The following CDH13 variants were observed in gnomAD, a reference collection of about 807,000 sequenced individuals.
CDH13 encodes the protein cadherin-13.
A neutral mutation model predicts 63.8 loss-of-function variants in CDH13; 24 were observed. That is an observed-to-expected ratio of 0.38 (90% CI 0.27 to 0.53). CDH13 has a LOEUF of 0.53. Ranked by LOEUF, CDH13 falls within the 20% of genes least tolerant of loss-of-function variation. The pLI is 0.85. For missense variants in CDH13, 1,049 were observed against 903.1 expected, an observed-to-expected ratio of 1.16 and a Z score of -2.07; for synonymous variants, 503 against 355.3, an observed-to-expected ratio of 1.42 and a Z score of -4.67.
chr16:83,289,117 C>T (rs987233478), intron 5 of CDH13, among the ~76,000 whole-genome samples: 4 of 152,132 alleles, frequency 2.6e-5, no homozygotes, highest in East Asian at 1.9e-4. Flanking sequence ...TTGCTCCTGG[C>T]CTACAAGAAC....
intron 3 of CDH13, among the ~76,000 whole-genome samples, chr16:83,035,769 G>C (rs747719290): frequency 6.6e-6 from 1 of 152,110 alleles, no homozygotes; most frequent in Non-Finnish European, 1.5e-5. Context: ...TTTACCTCCT[G>C]AGCCTCTATG....
intron 3 of CDH13, among the ~76,000 whole-genome samples, chr16:83,115,831 C>T (rs1173720726): frequency 6.6e-6 from 1 of 152,172 alleles, no homozygotes; most frequent in Non-Finnish European, 1.5e-5. Context: ...ACTATTTCTC[C>T]CTATCACTTT....
chr16:82,895,609 C>G (rs574177596), intron 2 of CDH13, among the ~76,000 whole-genome samples: 35 of 152,060 alleles, frequency 2.3e-4, no homozygotes, highest in African/African-American at 7.5e-4. Context: ...GACATGCATT[C>G]ACCATCATAG....
At chr16:83,591,366 A>C (rs1400799516) in intron 7 of CDH13, among the ~76,000 whole-genome samples, 1 of 152,212 alleles carries the variant, frequency 6.6e-6, no homozygotes, top group Non-Finnish European at 1.5e-5. Context: ...ATTTTACTTC[A>C]GTGTTACAAT....
chr16:82,840,684 CAAAAAAAAAAA>C (rs753429857), intron 1 of CDH13, among the ~76,000 whole-genome samples: 1 of 86,750 alleles, frequency 1.2e-5, no homozygotes, highest in African/African-American at 4.6e-5. Flanking sequence ...GAATCCATCT[CAAAAAAAAAAA>C]AAAAAAAGAA....
At chr16:83,582,347 G>A (rs1490216906) in intron 7 of CDH13, among the ~76,000 whole-genome samples, 1 of 152,116 alleles carries the variant, frequency 6.6e-6, no homozygotes, top group Non-Finnish European at 1.5e-5. Context: ...TGTTTTAAGG[G>A]TCTAGACCTA....
At chr16:83,490,150 C>G (rs531529891) in intron 7 of CDH13, among the ~76,000 whole-genome samples, 4 of 152,100 alleles carry the variant, frequency 2.6e-5, no homozygotes, top group African/African-American at 9.7e-5. Flanking sequence ...TTGGGTGACA[C>G]GAGCTAAGTT....
chr16:82,992,517 A>G (rs990985357), intron 2 of CDH13, among the ~76,000 whole-genome samples: 14 of 152,208 alleles, frequency 9.2e-5, no homozygotes, highest in African/African-American at 3.4e-4. Flanking sequence ...TCAGAACTTT[A>G]GAGATAATCT....
chr16:83,497,969 T>C (rs2074187518), intron 7 of CDH13, among the ~76,000 whole-genome samples: 1 of 152,240 alleles, frequency 6.6e-6, no homozygotes, highest in African/African-American at 2.4e-5. Context: ...CATAGTTCAT[T>C]TCTCCCACCA....
At chr16:82,906,733 C>T (rs1485056249) in intron 2 of CDH13, among the ~76,000 whole-genome samples, 5 of 152,144 alleles carry the variant, frequency 3.3e-5, no homozygotes, top group Non-Finnish European at 5.9e-5. Context: ...GCTGTACTCC[C>T]TCCGAAGGCT....
intron 5 of CDH13, among the ~76,000 whole-genome samples, chr16:83,307,005 G>T (rs766678102): frequency 6.6e-6 from 1 of 152,180 alleles, no homozygotes; most frequent in Non-Finnish European, 1.5e-5. Flanking sequence ...GAGAATAGTG[G>T]AACAAATTAA....
chr16:82,748,330 G>A (rs2034269555), intron 1 of CDH13, among the ~76,000 whole-genome samples: 1 of 152,230 alleles, frequency 6.6e-6, no homozygotes, highest in East Asian at 1.9e-4. Context: ...TTACTATGCA[G>A]AGTGTGTTTT....
At chr16:83,571,480 C>G (rs1283989821) in intron 7 of CDH13, among the ~76,000 whole-genome samples, 3 of 152,080 alleles carry the variant, frequency 2.0e-5, no homozygotes, top group African/African-American at 7.2e-5. Flanking sequence ...ATTAGGCTAA[C>G]AGAATCTAAG....
intron 10 of CDH13, among the ~76,000 whole-genome samples, chr16:83,746,009 G>A (rs1225427339): frequency 6.6e-6 from 1 of 152,218 alleles, no homozygotes; most frequent in East Asian, 1.9e-4. Context: ...CTGGGCCCAC[G>A]TCCTGACTCT....
chr16:83,167,920 C>T (rs2037753687), intron 4 of CDH13, among the ~76,000 whole-genome samples: 1 of 152,012 alleles, frequency 6.6e-6, no homozygotes, highest in African/African-American at 2.4e-5. Flanking sequence ...CAGCCAGGGG[C>T]TATTATCCTA....
chr16:83,035,055 T>C lies in CDH13; in HGVS notation c.366+2837T>C, dbSNP rs146856980. On this transcript the variant is annotated intron_variant, in intron 3 of 13. Transcript: ENST00000567109. ...GATTTGAAAAAAGGCTTTGTGAAGATGTGTAGCTGTGTCCTTCATAAAAAC... is the reference window on the plus strand; with the variant it reads ...GATTTGAAAAAAGGCTTTGTGAAGACGTGTAGCTGTGTCCTTCATAAAAAC... 3.6e-3 allele frequency among the ~76,000 whole-genome samples: 540 copies of C among 151,876 alleles called. 6 individuals are homozygous for C. The highest frequency in any genetic ancestry group is 0.034 in the Middle Eastern group (10 of 294).
intron 2 of CDH13, among the ~76,000 whole-genome samples, chr16:82,864,515 A>G (rs1175042620): frequency 1.3e-5 from 2 of 152,098 alleles, no homozygotes; most frequent in South Asian, 2.1e-4. Context: ...AAGTGCTGAG[A>G]TAAGGGGAGG....
At chr16:83,519,208 C>T (rs759943838) in intron 7 of CDH13, among the ~76,000 whole-genome samples, 2 of 152,138 alleles carry the variant, frequency 1.3e-5, no homozygotes, top group Non-Finnish European at 2.9e-5. Flanking sequence ...AGGAGAAATA[C>T]CAGGAGTCTT....
chr16:83,281,042 G>A (rs922613964), intron 5 of CDH13, among the ~76,000 whole-genome samples: 2 of 152,198 alleles, frequency 1.3e-5, no homozygotes, highest in African/African-American at 2.4e-5. Context: ...CCTAACCAGA[G>A]AGTCTGCCTA....
Sources: gnomAD v4.1 joint callset for allele counts (sites outside exome capture counted in the v4.1 genomes callset) on GRCh38, gnomAD v4.1.1 for gene constraint, MANE v1.5 for transcripts, NCBI Gene and HGNC (gene_info 2026-07-23, HGNC 2026-07-21) for gene names.